The following CIP2A variants were observed in gnomAD, a reference collection of about 807,000 sequenced individuals.
The protein encoded by CIP2A is cellular inhibitor of PP2A.
In CIP2A, 103 loss-of-function variants were observed where a neutral mutation model predicts 110.9. The observed-to-expected ratio is 0.93, with a 90% CI of 0.79 to 1.09. CIP2A has a LOEUF of 1.09. Ranked by LOEUF, CIP2A falls within the 50% of genes least tolerant of loss-of-function variation. The probability of loss-of-function intolerance (pLI) is 0.00; values close to 1 mark genes in which losing one functional copy is unlikely to be tolerated. For synonymous variants in CIP2A, 381 were observed against 361.6 expected, an observed-to-expected ratio of 1.05 and a Z score of -0.61; for missense variants, 1,088 against 1,038.4, an observed-to-expected ratio of 1.05 and a Z score of -0.66.
In CIP2A at chr3:108,551,126, C is replaced by A; in HGVS notation, c.*23G>T. 2 of 973,934 alleles carry A rather than the reference C, an allele frequency of 2.1e-6. No homozygotes were observed. The highest frequency in any genetic ancestry group is 1.4e-6 in the Non-Finnish European group (1 of 734,650). The allele number at this position is 973,934 out of a possible 1,614,324, so 60.3% of individuals were successfully genotyped here. On this transcript the variant is annotated 3_prime_UTR_variant, in exon 21 of 21. Transcript: ENST00000295746. ...ATACATCAAAAATATCATGAGATTA[C>A]AAATTCCAAAATGCCATAATGTCTA...
intron 1 of CIP2A, 85 bp from the exon 2 acceptor site, chr3:108,585,297 C>CA (rs1347256122): frequency 9.8e-6 from 12 of 1,223,038 alleles, no homozygotes; most frequent in Admixed American, 2.4e-5. Flanking sequence ...TCAGTTCCCT[C>CA]AAAGTGCCAC....
chr3:108,568,917 A>C (rs1938280356), intron 9 of CIP2A, among the ~76,000 whole-genome samples: 1 of 151,484 alleles, frequency 6.6e-6, no homozygotes, highest in African/African-American at 2.4e-5. Flanking sequence ...AGAATATTAA[A>C]TTGCCCAGAT....
Position 108,554,451 on chromosome 3 carries a change from A to T in CIP2A, c.2249T>A (p.Ile750Asn), listed in dbSNP as rs765298850. 4 of 1,542,864 alleles carry T rather than the reference A, an allele frequency of 2.6e-6. No homozygotes were observed. In the African/African-American group the frequency reaches 5.4e-5, roughly 21 times the overall value. ...TTGTTTATTCAGAGAATCACATGTGATCTGTAAATCTTTATTCTTCTTTTC... is the reference window on the plus strand; with the variant it reads ...TTGTTTATTCAGAGAATCACATGTGTTCTGTAAATCTTTATTCTTCTTTTC... ...STEKKNKDLQ[I>N]TCDSLNKQIE... The change falls in exon 18 of 21, where the codon ATC becomes AAC. Residue 750 changes from isoleucine (I) to asparagine (N), a missense_variant. Physicochemically the swap from Ile to Asn is moderately radical, Grantham distance 149 (BLOSUM62 -3). Transcript: ENST00000295746.
rs778520234 is a variant in CIP2A, at chr3:108,583,023, G to A, written c.311C>T (p.Ala104Val). The A allele has an allele frequency of 9.3e-6, 15 of 1,609,546 alleles. No individual in the cohort carries two copies. Among genetic ancestry groups the A allele is most frequent in the East Asian group, 9.0e-5 (4 of 44,630 alleles). The stretch of plus-strand genomic sequence containing the variant: ...GTGGCTGCTCCGACAAACCACTCCC[G>A]CCAGCACACTATTCAGATTATATGT... Reference protein sequence around the residue: ...QNTYNLNSVLAGVVCRSSHTD... With the variant: ...QNTYNLNSVLVGVVCRSSHTD... Residue 104 changes from alanine (A) to valine (V), a missense_variant, in exon 3 of 21, where the codon GCG becomes GTG. Coordinates refer to ENST00000295746, the MANE Select transcript of CIP2A (RefSeq NM_020890.3).
intron 8 of CIP2A, among the ~76,000 whole-genome samples, chr3:108,570,251 C>T (rs1478866532): frequency 1.1e-5 from 1 of 93,648 alleles, no homozygotes. Context: ...ATCTCCTTGT[C>T]TCTCTATTTC....
intron 8 of CIP2A, among the ~76,000 whole-genome samples, chr3:108,571,132 C>T (rs1343289876): frequency 6.6e-6 from 1 of 152,178 alleles, no homozygotes; most frequent in Non-Finnish European, 1.5e-5. Context: ...AGGGAGCTGT[C>T]ATCTCTAATA....
rs532784283 is a variant in CIP2A at position 108,580,706 on chromosome 3, C to T, written c.549+709G>A. ...GGCAGTGGCGCGATCTCAGCTCACT[C>T]CAACCTCCACCTCCCGGGTTCAAGC... On this transcript the variant is annotated intron_variant, in intron 5 of 20. Coordinates refer to ENST00000295746, the MANE Select transcript of CIP2A (RefSeq NM_020890.3). 2.5e-3 allele frequency among the ~76,000 whole-genome samples: 380 copies of T among 151,852 alleles called. 1 individual carries two copies. Among genetic ancestry groups the T allele is most frequent in the Middle Eastern group, 0.017 (5 of 294 alleles).
rs947309273 is a variant in CIP2A at position 108,550,076 on chromosome 3, T to C, written c.*1073A>G. ...AATTCACTTAAATCAAACAGACATA[T>C]GGTGAAGAAAACACCAAGTAAAATT... On this transcript the variant is annotated 3_prime_UTR_variant, in exon 21 of 21. Coordinates refer to ENST00000295746, the MANE Select transcript of CIP2A (RefSeq NM_020890.3). 3.9e-5 allele frequency: 6 copies of C among 152,094 alleles called. No homozygotes were observed. The highest frequency in any genetic ancestry group is 1.4e-4 in the African/African-American group (6 of 41,548). 9.4% of individuals were successfully genotyped at this position (152,094 alleles called of 1,614,324 possible).
At chr3:108,578,891 C>A (rs1184284940) in intron 7 of CIP2A, among the ~76,000 whole-genome samples, 1 of 152,100 alleles carries the variant, frequency 6.6e-6, no homozygotes, top group Non-Finnish European at 1.5e-5. Context: ...AATGTTTCAA[C>A]ACTGTTTCAT....
chr3:108,565,301 A>G, intron 12 of CIP2A, 54 bp downstream of exon 12: 1 of 854,996 alleles, frequency 1.2e-6, no homozygotes, highest in Non-Finnish European at 1.9e-6. Context: ...AGAAACTTAT[A>G]TTAGGACCAT....
At chr3:108,583,636 G>T (rs76245806) in intron 2 of CIP2A, among the ~76,000 whole-genome samples, 2,922 of 152,130 alleles carry the variant, frequency 0.019, 104 homozygotes, top group African/African-American at 0.067. Flanking sequence ...AGCCGTTAGT[G>T]GGGGAGATGA....
In CIP2A at chr3:108,552,220, G is replaced by A; in HGVS notation, c.2547+14C>T. ...TTTATTTTACTGCAAATGAGAAATGGAACAGATTCTTACCTTAATGCTCAA... is the reference window on the plus strand; with the variant it reads ...TTTATTTTACTGCAAATGAGAAATGAAACAGATTCTTACCTTAATGCTCAA... On this transcript the variant is annotated intron_variant, in intron 20 of 20. Coordinates refer to ENST00000295746, the MANE Select transcript of CIP2A (RefSeq NM_020890.3). 15 of 1,544,828 alleles carry A rather than the reference G, an allele frequency of 9.7e-6. No homozygotes were observed. In the Middle Eastern group the frequency reaches 2.5e-3, roughly 262 times the overall value.
intron 5 of CIP2A, among the ~76,000 whole-genome samples, 180 bp downstream of exon 5, chr3:108,581,235 C>T (rs900454047): frequency 1.2e-4 from 19 of 152,300 alleles, no homozygotes; most frequent in African/African-American, 4.3e-4. Context: ...ACAACATACA[C>T]GAAGGCTGAA....
chr3:108,572,586 T>A (rs1938436230), intron 8 of CIP2A, among the ~76,000 whole-genome samples: 1 of 134,220 alleles, frequency 7.5e-6, no homozygotes, highest in Admixed American at 7.2e-5. Context: ...CCTAAGCACC[T>A]GACATTTAAA....
At chr3:108,560,481 A>C (rs568457190) in intron 14 of CIP2A, among the ~76,000 whole-genome samples, 168 bp downstream of exon 14, 1 of 152,272 alleles carries the variant, frequency 6.6e-6, no homozygotes, top group African/African-American at 2.4e-5. Flanking sequence ...CAAAATGTTG[A>C]AATTTTGACT....
At chr3:108,579,173 T>G in intron 7 of CIP2A, 108 bp downstream of exon 7, 1 of 833,586 alleles carries the variant, frequency 1.2e-6, no homozygotes, top group Non-Finnish European at 1.9e-6. Context: ...CTACTGTGAA[T>G]CAGTAGAATC....
chr3:108,566,199 G>A (rs1050365663), intron 11 of CIP2A, among the ~76,000 whole-genome samples: 6 of 151,562 alleles, frequency 4.0e-5, no homozygotes, highest in Non-Finnish European at 7.4e-5. Context: ...ATTGATTACT[G>A]AGGCAATGTC....
At chr3:108,558,147 T>C (rs1267633935) in intron 16 of CIP2A, among the ~76,000 whole-genome samples, 3 of 152,088 alleles carry the variant, frequency 2.0e-5, no homozygotes, top group African/African-American at 7.2e-5. Context: ...GAATGTGCTA[T>C]GGGGAGAGGG....
At chr3:108,582,902 A>T (rs1938927922) in intron 3 of CIP2A, 75 bp downstream of exon 3, 2 of 819,636 alleles carry the variant, frequency 2.4e-6, no homozygotes, top group Admixed American at 4.4e-5. Context: ...ACTGTAAGTC[A>T]GCAGTTTATG....
Sources: gnomAD v4.1 joint callset for allele counts (sites outside exome capture counted in the v4.1 genomes callset) on GRCh38, gnomAD v4.1.1 for gene constraint, MANE v1.5 for transcripts, NCBI Gene and HGNC (gene_info 2026-07-23, HGNC 2026-07-21) for gene names.